Variants in GFPT2 observed in about 807,000 individuals in gnomAD.
GFPT2 encodes the protein glutamine--fructose-6-phosphate transaminase 2, also known as glutamine--fructose-6-phosphate aminotransferase [isomerizing] 2.
GFPT2 carries 62 observed loss-of-function variants against 85.6 expected under a neutral mutation model. The observed-to-expected ratio is 0.72, with a 90% CI of 0.59 to 0.90. GFPT2 has a LOEUF of 0.90. Ranked by LOEUF, GFPT2 falls within the 40% of genes least tolerant of loss-of-function variation. The pLI is 0.00. For missense variants in GFPT2, 788 were observed against 893.4 expected, an observed-to-expected ratio of 0.88 and a Z score of 1.50; for synonymous variants, 368 against 344.5, an observed-to-expected ratio of 1.07 and a Z score of -0.75.
chr5:180,307,325 G>A (rs1173196402), intron 15 of GFPT2, 22 bp from the exon 16 acceptor site: 2 of 1,612,908 alleles, frequency 1.2e-6, no homozygotes, highest in African/African-American at 2.7e-5. Flanking sequence ...ACGGAGCAGA[G>A]GGAGAAAACC....
intron 9 of GFPT2, among the ~76,000 whole-genome samples, chr5:180,321,930 T>TGC (rs1561877352): frequency 1.3e-5 from 2 of 151,156 alleles, no homozygotes; most frequent in African/African-American, 2.4e-5. Context: ...ACTACAGGCC[T>TGC]CCGCCACCAC....
chr5:180,352,339 G>GAAAA (rs34831746), intron 1 of GFPT2: 421 of 344,900 alleles, frequency 1.2e-3, no homozygotes, highest in Admixed American at 1.9e-3. Context: ...CCTACTCAAG[G>GAAAA]AAAAAAAAAA....
chr5:180,346,837 G>A (rs1764618647), intron 1 of GFPT2, among the ~76,000 whole-genome samples: 1 of 152,212 alleles, frequency 6.6e-6, no homozygotes, highest in Non-Finnish European at 1.5e-5. Context: ...TCCACTCCCA[G>A]GGCTGCCCAC....
At chr5:180,352,640 A>G (rs1382954712) in intron 1 of GFPT2, 3 of 446,360 alleles carry the variant, frequency 6.7e-6, no homozygotes, top group Non-Finnish European at 1.3e-5. Context: ...CGACCCTTCT[A>G]GGGACCAGAC....
In GFPT2 at chr5:180,346,019, A is replaced by G. The variant is rs114223359; in HGVS notation, c.7+7192T>C. Among the ~76,000 whole-genome samples, 610 of 151,980 alleles carry G rather than the reference A, an allele frequency of 4.0e-3. 4 individuals are homozygous for G. The highest frequency in any genetic ancestry group is 0.014 in the African/African-American group (587 of 41,462). Reference sequence around the variant, plus strand: ...GCACCATGAGGATCCCAGGACTGGCATGAGGACAGCCTTCTAATCAAATGA... The same window carrying G: ...GCACCATGAGGATCCCAGGACTGGCGTGAGGACAGCCTTCTAATCAAATGA... On this transcript the variant is annotated intron_variant, in intron 1 of 18. Coordinates refer to ENST00000253778, the MANE Select transcript of GFPT2 (RefSeq NM_005110.4).
chr5:180,346,667 CGCCCCTGGG>C lies in GFPT2; in HGVS notation c.7+6535_7+6543del, dbSNP rs145321032. On this transcript the variant is annotated intron_variant, in intron 1 of 18. Transcript: ENST00000253778. The stretch of plus-strand genomic sequence containing the variant: ...CAGGGTGCCCTCAGCCCAGTGCGTG[CGCCCCTGGG>C]GCCCCCAGGCCTATGCACATGTGAT... Among the ~76,000 whole-genome samples, 662 of 152,364 alleles carry C rather than the reference CGCCCCTGGG, an allele frequency of 4.3e-3. 16 individuals are homozygous for C. In the South Asian group the frequency reaches 0.046, roughly 10 times the overall value.
intron 8 of GFPT2, 181 bp downstream of exon 8, chr5:180,324,634 TA>T (rs1225501152): frequency 7.6e-5 from 46 of 602,970 alleles, no homozygotes; most frequent in East Asian, 1.6e-4. Context: ...ATAAAAAGCT[TA>T]AAAAAAATGG....
chr5:180,311,448 T>C (rs964301644), intron 15 of GFPT2, among the ~76,000 whole-genome samples: 1 of 152,338 alleles, frequency 6.6e-6, no homozygotes, highest in African/African-American at 2.4e-5. Context: ...CATGATTTAG[T>C]GCAACAGATA....
At chr5:180,348,521 C>G (rs185472567) in intron 1 of GFPT2, among the ~76,000 whole-genome samples, 1 of 152,358 alleles carries the variant, frequency 6.6e-6, no homozygotes, top group African/African-American at 2.4e-5. Flanking sequence ...CAGGCTCTTA[C>G]AGAAAGACAG....
intron 13 of GFPT2, among the ~76,000 whole-genome samples, chr5:180,315,858 T>TC (rs1037780713): frequency 2.0e-5 from 3 of 151,860 alleles, no homozygotes; most frequent in Non-Finnish European, 2.9e-5. Context: ...GAGCACTGTC[T>TC]CCCCCACACC....
intron 1 of GFPT2, among the ~76,000 whole-genome samples, chr5:180,347,070 G>A (rs1254748996): frequency 6.6e-6 from 1 of 152,242 alleles, no homozygotes; most frequent in Non-Finnish European, 1.5e-5. Flanking sequence ...GACCCAGCCA[G>A]GTGGGGGATG....
chr5:180,337,790 C>T lies in GFPT2; in HGVS notation c.115+703G>A, dbSNP rs777612129. ...GTCTATGCCATCAACCTATCACCTC[C>T]GAGAGTCTGCTCCTGCCCTCTTTAT... is the stretch of plus-strand genomic sequence containing the variant. On this transcript the variant is annotated intron_variant, in intron 2 of 18. Coordinates refer to ENST00000253778, the MANE Select transcript of GFPT2 (RefSeq NM_005110.4). 1.3e-5 allele frequency among the ~76,000 whole-genome samples: 2 copies of T among 152,224 alleles called. 1 individual carries two copies. The highest frequency in any genetic ancestry group is 4.2e-4 in the South Asian group (2 of 4,802).
chr5:180,341,130 G>A (rs1448595697), intron 1 of GFPT2, among the ~76,000 whole-genome samples: 1 of 152,178 alleles, frequency 6.6e-6, no homozygotes, highest in African/African-American at 2.4e-5. Flanking sequence ...CAGAGCCAGA[G>A]TGGAACCAAG....
chr5:180,328,709 T>A lies in GFPT2; in HGVS notation c.535-371A>T, dbSNP rs1162659565. 2.0e-5 allele frequency among the ~76,000 whole-genome samples: 3 copies of A among 152,210 alleles called. No homozygotes were observed. The highest frequency in any genetic ancestry group is 4.8e-5 in the African/African-American group (2 of 41,452). On this transcript the variant is annotated intron_variant, in intron 6 of 18. Coordinates refer to ENST00000253778, the MANE Select transcript of GFPT2 (RefSeq NM_005110.4). The surrounding 1 kb of genome is among the most constrained non-coding windows in gnomAD (Gnocchi z 5.4). ...ACAGCACCTACTCAGCAAGCCCCTG[T>A]GAAGTGCACTTTAGCTCAACACACG... is the stretch of plus-strand genomic sequence containing the variant.
rs1341548452 is a variant in GFPT2, at chr5:180,323,326, C to T, written c.794+862G>A. Among the ~76,000 whole-genome samples the T allele has an allele frequency of 1.3e-5, 2 of 152,180 alleles. No homozygotes were observed. Among genetic ancestry groups the T allele is most frequent in the Non-Finnish European group, 2.9e-5 (2 of 68,038 alleles). The stretch of plus-strand genomic sequence containing the variant: ...GTGCGTTTAATCAGGCCTCGCCTCC[C>T]TGTCGCTCCCGTTTCCCAGGAGACC... On this transcript the variant is annotated intron_variant, in intron 9 of 18. Coordinates refer to ENST00000253778, the MANE Select transcript of GFPT2 (RefSeq NM_005110.4). This position sits in a 1 kb window ranked among gnomAD's most constrained non-coding sequence, Gnocchi z 4.0.
rs1329108855 is a variant in GFPT2 at position 180,301,605 on chromosome 5, C to T, written c.2008G>A (p.Asp670Asn). The T allele has an allele frequency of 1.2e-6, 2 of 1,613,046 alleles. No individual in the cohort carries two copies. ...GACTTGGCCAGATTTCTGGGGAAGTCAACCTAAAATGAAAGAAAGTGACTG... is the reference window on the plus strand; with the variant it reads ...GACTTGGCCAGATTTCTGGGGAAGTTAACCTAAAATGAAAGAAAGTGACTG... ...HLAVLRGYDV[D>N]FPRNLAKSVT... The change falls in exon 19 of 19, where the codon GAC (aspartate) becomes AAC (asparagine). Residue 670 changes from aspartate (D) to asparagine (N), a missense_variant. Coordinates refer to ENST00000253778, the MANE Select transcript of GFPT2 (RefSeq NM_005110.4).
chr5:180,340,226 G>A (rs540269590), intron 1 of GFPT2, among the ~76,000 whole-genome samples: 1 of 151,874 alleles, frequency 6.6e-6, no homozygotes, highest in South Asian at 2.1e-4. Flanking sequence ...TCTTTTTTGA[G>A]ACAGAGTTTC....
At position 180,313,835 on chromosome 5, in the gene GFPT2, CCTGCGTTGATGTGGACGCCG is replaced by C; in HGVS notation, c.1383_1402del (p.Cys461TrpfsTer28). The C allele has an allele frequency of 6.3e-7, 1 of 1,583,912 alleles. No individual in the cohort carries two copies. Among genetic ancestry groups the C allele is most frequent in the Non-Finnish European group, 8.6e-7 (1 of 1,168,544 alleles). The stretch of plus-strand genomic sequence containing the variant: ...GGTGCTGGCCACGCCGATCTCCGGC[CCTGCGTTGATGTGGACGCCG>C]CAGTCGGTCTCGCGAGAGATGGAGC... On this transcript the variant is annotated frameshift_variant, in exon 14 of 19. Coordinates refer to ENST00000253778, the MANE Select transcript of GFPT2 (RefSeq NM_005110.4). LOFTEE classifies it high-confidence loss of function.
At position 180,335,799 on chromosome 5, in the gene GFPT2, C is replaced by T. The variant is rs114992533; in HGVS notation, c.340+29G>A. On this transcript the variant is annotated intron_variant, in intron 4 of 18. Coordinates refer to ENST00000253778, the MANE Select transcript of GFPT2 (RefSeq NM_005110.4). ...TGACACAGCTCAGGGTGAGGTGGAA[C>T]CATGGGGACGGGGAAGCATGCCACA... is the stretch of plus-strand genomic sequence containing the variant. 8.0e-4 allele frequency: 1,282 copies of T among 1,597,128 alleles called. 6 individuals carry two copies. In the African/African-American group the frequency reaches 0.016, roughly 19 times the overall value.
Sources: allele counts gnomAD v4.1 joint callset (sites outside exome capture counted in the v4.1 genomes callset), GRCh38; gene constraint gnomAD v4.1.1; non-coding constraint Gnocchi (gnomAD v3.1); transcripts MANE v1.5; gene names NCBI Gene and HGNC (gene_info 2026-07-23, HGNC 2026-07-21).